The following NDST1 variants were observed in gnomAD, a reference collection of about 807,000 sequenced individuals.
NDST1 encodes bifunctional heparan sulfate N-deacetylase/N-sulfotransferase 1.
NDST1 carries 35 observed loss-of-function variants against 92.8 expected under a neutral mutation model. That is an observed-to-expected ratio of 0.38 (90% CI 0.29 to 0.50). The LOEUF is 0.50. NDST1 is among the 20% of genes least tolerant of loss of function. The pLI is 0.94. For missense variants in NDST1, 822 were observed against 1,182.7 expected (o/e 0.69, Z 4.47); for synonymous variants, 493 against 500.3 (o/e 0.99, Z 0.19).
At chr5:150,508,520 A>G (rs1309160669) in intron 1 of NDST1, among the ~76,000 whole-genome samples, 1 of 152,186 alleles carries the variant, frequency 6.6e-6, no homozygotes, top group Non-Finnish European at 1.5e-5. Flanking sequence ...ATGGGAAGGA[A>G]GGGCTCAGTT....
chr5:150,518,163 C>T (rs1437674669), intron 1 of NDST1, among the ~76,000 whole-genome samples: 4 of 151,882 alleles, frequency 2.6e-5, no homozygotes, highest in Non-Finnish European at 5.9e-5. Context: ...TGTGCCATTT[C>T]CTCTGTCTAC....
intron 13 of NDST1, among the ~76,000 whole-genome samples, chr5:150,551,232 G>A (rs1182769442): frequency 2.6e-5 from 4 of 152,088 alleles, no homozygotes; most frequent in Admixed American, 2.0e-4. Flanking sequence ...CATTTCTGAA[G>A]TTTACTCCAA....
In NDST1 at chr5:150,521,431, G is replaced by A. The variant is rs767100887; in HGVS notation, c.177G>A (p.Pro59=). Reference sequence around the variant, plus strand: ...CCCCCGAGCCTGACTGCGGGGACCCGCCGCCTGTGGCCCCCAGTCGCCTGC... The same window carrying A: ...CCCCCGAGCCTGACTGCGGGGACCCACCGCCTGTGGCCCCCAGTCGCCTGC... ...ADAPEPDCGD[P]PPVAPSRLLP... is the part of the protein sequence containing the mutation. The change falls in exon 2 of 15, where the codon CCG becomes CCA. Residue 59 remains proline, a synonymous_variant. Transcript: ENST00000261797. This position sits in a 1 kb window ranked among gnomAD's most constrained non-coding sequence, Gnocchi z 5.9. 40 of 1,612,632 alleles carry A rather than the reference G, an allele frequency of 2.5e-5. No individual in the cohort carries two copies. Among genetic ancestry groups the A allele is most frequent in the African/African-American group, 1.1e-4 (8 of 74,922 alleles).
chr5:150,513,433 G>A (rs2151256288), intron 1 of NDST1, among the ~76,000 whole-genome samples: 1 of 152,288 alleles, frequency 6.6e-6, no homozygotes, highest in African/African-American at 2.4e-5. Flanking sequence ...AGGAGGGGAA[G>A]GCTGGAGTGA....
chr5:150,513,725 C>T (rs2983101), intron 1 of NDST1, among the ~76,000 whole-genome samples: 65,657 of 152,072 alleles, frequency 0.43, 14,822 homozygotes, highest in Non-Finnish European at 0.51. Flanking sequence ...TCCTGGAGCC[C>T]ACCCATTCAT....
At chr5:150,508,798 C>T (rs954174439) in intron 1 of NDST1, among the ~76,000 whole-genome samples, 15 of 152,158 alleles carry the variant, frequency 9.9e-5, no homozygotes, top group Non-Finnish European at 1.8e-4. Flanking sequence ...ATTTGTGTGT[C>T]TGGGGAGAGA....
chr5:150,522,339 C>T (rs889736605), intron 2 of NDST1, among the ~76,000 whole-genome samples: 1 of 152,184 alleles, frequency 6.6e-6, no homozygotes, highest in South Asian at 2.1e-4. Flanking sequence ...TGAAATCCCA[C>T]TGGCAGATGG....
intron 10 of NDST1, 83 bp from the exon 11 acceptor site, chr5:150,545,229 C>A: frequency 1.3e-6 from 2 of 1,493,948 alleles, no homozygotes; most frequent in Non-Finnish European, 1.9e-6. Flanking sequence ...CATTCTACCC[C>A]AGTGCCTCGC....
intron 4 of NDST1, among the ~76,000 whole-genome samples, chr5:150,534,327 C>T (rs1754886099): frequency 6.6e-6 from 1 of 151,966 alleles, no homozygotes; most frequent in African/African-American, 2.4e-5. Flanking sequence ...TGGTCTCAAA[C>T]CTCTAGGCTC....
chr5:150,515,221 T>C (rs1753904893), intron 1 of NDST1, among the ~76,000 whole-genome samples: 1 of 152,260 alleles, frequency 6.6e-6, no homozygotes, highest in Non-Finnish European at 1.5e-5. Flanking sequence ...CATTTGAGGC[T>C]GGCACTCTAA....
chr5:150,502,198 G>A (rs1024841672), intron 1 of NDST1, among the ~76,000 whole-genome samples: 3 of 152,166 alleles, frequency 2.0e-5, no homozygotes, highest in African/African-American at 4.8e-5. Flanking sequence ...GAGGGTGGAC[G>A]CAGGATGACT....
At chr5:150,512,463 C>T (rs962569569) in intron 1 of NDST1, among the ~76,000 whole-genome samples, 6 of 152,218 alleles carry the variant, frequency 3.9e-5, no homozygotes, top group African/African-American at 1.4e-4. Flanking sequence ...TTTTCAGTGC[C>T]TAGTGGCATG....
chr5:150,549,307 C>T (rs1371166520), intron 12 of NDST1, among the ~76,000 whole-genome samples: 4 of 152,334 alleles, frequency 2.6e-5, no homozygotes, highest in African/African-American at 7.2e-5. Context: ...CCACCGTGCC[C>T]GGCCATGCCC....
chr5:150,551,494 C>T (rs73274412), intron 13 of NDST1, among the ~76,000 whole-genome samples: 5,284 of 152,204 alleles, frequency 0.035, 320 homozygotes, highest in African/African-American at 0.12. Context: ...ATTGCTGAAG[C>T]GGCTGTGGCT....
upstream of NDST1, among the ~76,000 whole-genome samples, chr5:150,507,252 A>C (rs1025669363): frequency 3.4e-5 from 5 of 148,754 alleles, no homozygotes; most frequent in Non-Finnish European, 1.5e-5. Context: ...CTTAAGCCCC[A>C]CGTATAAACA....
intron 1 of NDST1, among the ~76,000 whole-genome samples, chr5:150,509,268 C>T (rs927217069): frequency 6.6e-6 from 1 of 152,202 alleles, no homozygotes; most frequent in East Asian, 1.9e-4. Context: ...CCCAGCTCCT[C>T]TGCAGGGGAG....
At chr5:150,552,414 T>C (rs1755763501) in intron 14 of NDST1, 1 of 162,190 alleles carries the variant, frequency 6.2e-6, no homozygotes, top group East Asian at 1.8e-4. Context: ...TTTAAAAATA[T>C]ATAGAAAAAG....
intron 1 of NDST1, chr5:150,498,258 GC>G (rs1280225891): frequency 5.3e-5 from 8 of 152,342 alleles, no homozygotes; most frequent in African/African-American, 1.7e-4. Flanking sequence ...CTTTGTCTGT[GC>G]TTCCTCAGTA....
Position 150,520,914 on chromosome 5 carries a change from G to A in NDST1, c.-341G>A, listed in dbSNP as rs989166466. 1.2e-5 allele frequency: 6 copies of A among 508,688 alleles called. No individual in the cohort carries two copies. The highest frequency in any genetic ancestry group is 3.8e-5 in the South Asian group (1 of 26,334). 31.5% of individuals were successfully genotyped at this position (508,688 alleles called of 1,614,324 possible). ...GGAGTGAGCGGCATGCAGCACCCCC[G>A]GGCCTGTCCAGTGTCCTCTGGCCTG... On this transcript the variant is annotated 5_prime_UTR_variant, in exon 2 of 15. Coordinates refer to ENST00000261797, the MANE Select transcript of NDST1 (RefSeq NM_001543.5).
Sources: allele counts gnomAD v4.1 joint callset (sites outside exome capture counted in the v4.1 genomes callset), GRCh38; gene constraint gnomAD v4.1.1; non-coding constraint Gnocchi (gnomAD v3.1); transcripts MANE v1.5; gene names NCBI Gene and HGNC (gene_info 2026-07-23, HGNC 2026-07-21).